Variants in KCNU1 observed in about 807,000 individuals in gnomAD.
The protein encoded by KCNU1 is potassium channel subfamily U member 1.
Under a neutral mutation model 126.8 loss-of-function variants are expected in KCNU1, and 93 were observed. That is an observed-to-expected ratio of 0.73 (90% CI 0.62 to 0.87). KCNU1 has a LOEUF of 0.87. KCNU1 is among the 40% of genes least tolerant of loss of function. KCNU1 has a pLI of 0.00. For synonymous variants in KCNU1, 523 were observed against 494.2 expected, an observed-to-expected ratio of 1.06 and a Z score of -0.77; for missense variants, 1,330 against 1,367.1, an observed-to-expected ratio of 0.97 and a Z score of 0.43.
intron 19 of KCNU1, among the ~76,000 whole-genome samples, chr8:36,897,010 G>T (rs1447080873): frequency 6.6e-6 from 1 of 151,952 alleles, no homozygotes; most frequent in African/African-American, 2.4e-5. Context: ...AGATGCATGT[G>T]CTTCTGCCTG....
chr8:36,855,177 C>A (rs1016223351), intron 18 of KCNU1, among the ~76,000 whole-genome samples: 1 of 152,138 alleles, frequency 6.6e-6, no homozygotes, highest in Non-Finnish European at 1.5e-5. Flanking sequence ...TGGGCATCTT[C>A]ATTGTCATTT....
chr8:36,849,879 T>G (rs1805282206), intron 18 of KCNU1, among the ~76,000 whole-genome samples: 1 of 152,190 alleles, frequency 6.6e-6, no homozygotes, highest in Non-Finnish European at 1.5e-5. Flanking sequence ...AATTCTATGT[T>G]TCATTATTTG....
chr8:36,823,048 G>C (rs920210513), intron 10 of KCNU1, among the ~76,000 whole-genome samples: 2 of 152,156 alleles, frequency 1.3e-5, no homozygotes, highest in African/African-American at 4.8e-5. Flanking sequence ...GGGATAAAGA[G>C]AGGCATGCAT....
At chr8:36,855,780 T>C (rs974368467) in intron 18 of KCNU1, among the ~76,000 whole-genome samples, 1 of 152,130 alleles carries the variant, frequency 6.6e-6, no homozygotes, top group Non-Finnish European at 1.5e-5. Context: ...TTTTCTGGTA[T>C]CTTGTCTTCA....
In KCNU1 at chr8:36,786,311, T is replaced by C. The variant is rs529940460; in HGVS notation, c.196-995T>C. Among the ~76,000 whole-genome samples the C allele has an allele frequency of 3.5e-4, 54 of 152,316 alleles. 4 individuals are homozygous for C. The South Asian group carries it at 0.011, about 30-fold the overall frequency. ...TTTTATGATGGAATTCAAATGAGTA[T>C]TCTATATTAATGTCATACCTAGGAT... On this transcript the variant is annotated intron_variant, in intron 1 of 26. Transcript: ENST00000399881.
chr8:36,897,215 A>T (rs565417846), intron 19 of KCNU1, among the ~76,000 whole-genome samples: 1 of 152,100 alleles, frequency 6.6e-6, no homozygotes, highest in Non-Finnish European at 1.5e-5. Context: ...AAATTGTAGA[A>T]CAATTTCCAT....
At chr8:36,917,426 C>T (rs1483601207) in intron 22 of KCNU1, among the ~76,000 whole-genome samples, 2 of 151,578 alleles carry the variant, frequency 1.3e-5, no homozygotes, top group Non-Finnish European at 2.9e-5. Flanking sequence ...GGCGGCTCAC[C>T]GTAAGCTCTG....
intron 19 of KCNU1, among the ~76,000 whole-genome samples, chr8:36,869,468 C>G (rs1430674234): frequency 6.6e-6 from 1 of 152,122 alleles, no homozygotes; most frequent in East Asian, 1.9e-4. Flanking sequence ...AACTTCATCT[C>G]CATCCTCTTT....
intron 19 of KCNU1, among the ~76,000 whole-genome samples, chr8:36,891,327 C>A (rs1806953728): frequency 6.6e-6 from 1 of 151,880 alleles, no homozygotes; most frequent in African/African-American, 2.4e-5. Context: ...CATTTCTTTG[C>A]CCAACTTTAT....
chr8:36,837,503 G>A (rs1228822210), intron 14 of KCNU1, among the ~76,000 whole-genome samples: 1 of 152,248 alleles, frequency 6.6e-6, no homozygotes, highest in African/African-American at 2.4e-5. Flanking sequence ...TATGTTGTTA[G>A]TATCCCAGCA....
At chr8:36,808,432 G>T (rs541205839) in intron 6 of KCNU1, among the ~76,000 whole-genome samples, 1 of 152,046 alleles carries the variant, frequency 6.6e-6, no homozygotes, top group Non-Finnish European at 1.5e-5. Flanking sequence ...AGTGGATATC[G>T]CAGCAAAAGT....
chr8:36,839,569 T>A (rs942377862), intron 14 of KCNU1, among the ~76,000 whole-genome samples: 1 of 152,210 alleles, frequency 6.6e-6, no homozygotes, highest in Admixed American at 6.5e-5. Context: ...AGTCTGTCCT[T>A]TTTCGTAGGG....
intron 10 of KCNU1, among the ~76,000 whole-genome samples, chr8:36,822,547 A>G (rs1182544018): frequency 6.6e-6 from 1 of 152,218 alleles, no homozygotes; most frequent in Non-Finnish European, 1.5e-5. Context: ...ATGATACAGT[A>G]TTACCATTTT....
chr8:36,875,676 A>C (rs1485897306), intron 19 of KCNU1, among the ~76,000 whole-genome samples: 9 of 152,056 alleles, frequency 5.9e-5, no homozygotes, highest in Non-Finnish European at 1.3e-4. Context: ...TTATATTCAC[A>C]TTTTATTACA....
At chr8:36,907,994 A>G (rs1807699248) in intron 20 of KCNU1, among the ~76,000 whole-genome samples, 1 of 151,666 alleles carries the variant, frequency 6.6e-6, no homozygotes, top group South Asian at 2.1e-4. Context: ...TTTTTTTTCC[A>G]TTTTAAACAT....
intron 19 of KCNU1, among the ~76,000 whole-genome samples, chr8:36,885,138 G>A (rs1455030950): frequency 6.6e-6 from 1 of 152,154 alleles, no homozygotes; most frequent in African/African-American, 2.4e-5. Context: ...GAAACTCCTG[G>A]GGGCACACTT....
At chr8:36,859,128 A>C (rs116012549) in intron 18 of KCNU1, among the ~76,000 whole-genome samples, 219 of 152,290 alleles carry the variant, frequency 1.4e-3, no homozygotes, top group African/African-American at 5.1e-3. Context: ...GTCAATTTGA[A>C]TCTGGAGATC....
At position 36,808,084 on chromosome 8, in the gene KCNU1, A is replaced by T. The variant is rs971438502; in HGVS notation, c.656+634A>T. ...TAGAGGCCAGGTGGATTTCACTGCT[A>T]CGTGTTTATGAATTATGGAGAAGCT... On this transcript the variant is annotated intron_variant, in intron 6 of 26. Transcript: ENST00000399881. 1.3e-5 allele frequency among the ~76,000 whole-genome samples: 2 copies of T among 152,130 alleles called. 1 individual carries two copies. Among genetic ancestry groups the T allele is most frequent in the Admixed American group, 1.3e-4 (2 of 15,272 alleles).
chr8:36,818,618 T>C (rs562181159), intron 10 of KCNU1, among the ~76,000 whole-genome samples: 2 of 152,350 alleles, frequency 1.3e-5, no homozygotes, highest in South Asian at 2.1e-4. Flanking sequence ...ACTTCTTTAC[T>C]TTTCTCAAAT....
Sources: gnomAD v4.1 joint callset for allele counts (sites outside exome capture counted in the v4.1 genomes callset) on GRCh38, gnomAD v4.1.1 for gene constraint, MANE v1.5 for transcripts, NCBI Gene and HGNC (gene_info 2026-07-23, HGNC 2026-07-21) for gene names.